SLC25A36: variants seen among roughly 807,000 people sequenced by gnomAD.
SLC25A36 encodes the protein epididymis secretory sperm binding protein.
SLC25A36 carries 24 observed loss-of-function variants against 35.3 expected under a neutral mutation model. The observed-to-expected ratio is 0.68, with a 90% CI of 0.49 to 0.96. The LOEUF (loss-of-function observed/expected upper bound fraction) is 0.96, where lower values mean the gene tolerates loss of function less well. Ranked by LOEUF, SLC25A36 falls within the 40% of genes least tolerant of loss-of-function variation. The pLI is 0.00. For missense variants in SLC25A36, 294 were observed against 381.1 expected (o/e 0.77, Z 1.90); for synonymous variants, 141 against 132.2 (o/e 1.07, Z -0.46).
intron 1 of SLC25A36, among the ~76,000 whole-genome samples, chr3:140,945,113 G>C (rs910522561): frequency 6.6e-6 from 1 of 152,162 alleles, no homozygotes; most frequent in African/African-American, 2.4e-5. Context: ...AATTAAAGCA[G>C]TAACAGGTTT....
chr3:140,967,116 G>A (rs947380248), intron 4 of SLC25A36: 1 of 449,246 alleles, frequency 2.2e-6, no homozygotes, highest in African/African-American at 2.0e-5. Flanking sequence ...TGTGGAATTA[G>A]AAGGCGGGAA....
At position 140,978,488 on chromosome 3, in the gene SLC25A36, A is replaced by G. The variant is rs2107824179; in HGVS notation, c.*2035A>G. 6.6e-6 allele frequency: 1 copy of G among 152,306 alleles called. No individual in the cohort carries two copies. The highest frequency in any genetic ancestry group is 1.9e-4 in the East Asian group (1 of 5,192). 9.4% of individuals were successfully genotyped at this position (152,306 alleles called of 1,614,324 possible). On this transcript the variant is annotated 3_prime_UTR_variant, in exon 7 of 7. Transcript: ENST00000324194. Reference sequence around the variant, plus strand: ...GACTCTCCCTAGTCTTACTGATCTCAGTACCCCACAAATGATTAAGAATGA... The same window carrying G: ...GACTCTCCCTAGTCTTACTGATCTCGGTACCCCACAAATGATTAAGAATGA...
chr3:140,947,726 T>C (rs1934205244), intron 1 of SLC25A36, among the ~76,000 whole-genome samples: 1 of 152,182 alleles, frequency 6.6e-6, no homozygotes, highest in Non-Finnish European at 1.5e-5. Flanking sequence ...TTCCTATACT[T>C]AAAAAAATGC....
chr3:140,976,459 C>T lies in SLC25A36; in HGVS notation c.*6C>T, dbSNP rs752474203. ...TTTACCTACTCAATGGATAGCAGCACGAGGACTGCTGTACTGCAAAAAAAG... is the reference window on the plus strand; with the variant it reads ...TTTACCTACTCAATGGATAGCAGCATGAGGACTGCTGTACTGCAAAAAAAG... On this transcript the variant is annotated 3_prime_UTR_variant, in exon 7 of 7. Coordinates refer to ENST00000324194, the MANE Select transcript of SLC25A36 (RefSeq NM_001104647.3). The T allele has an allele frequency of 2.3e-5, 37 of 1,607,424 alleles. No homozygotes were observed. Among genetic ancestry groups the T allele is most frequent in the South Asian group, 3.3e-5 (3 of 89,782 alleles).
At chr3:140,960,164 A>G (rs907425646) in intron 3 of SLC25A36, among the ~76,000 whole-genome samples, 1 of 152,190 alleles carries the variant, frequency 6.6e-6, no homozygotes, top group Non-Finnish European at 1.5e-5. Flanking sequence ...TTATCCTCTC[A>G]TCTGACCATA....
chr3:140,978,795 G>A lies in SLC25A36; in HGVS notation c.*2342G>A, dbSNP rs938112075. On this transcript the variant is annotated 3_prime_UTR_variant, in exon 7 of 7. Coordinates refer to ENST00000324194, the MANE Select transcript of SLC25A36 (RefSeq NM_001104647.3). ...CTAAGCACAATCTGCAATAGTTTAT[G>A]TATGACAGAGATAATTCAAAAAGGA... 9 of 152,202 alleles carry A rather than the reference G, an allele frequency of 5.9e-5. No homozygotes were observed. The highest frequency in any genetic ancestry group is 1.9e-4 in the African/African-American group (8 of 41,534). The allele number at this position is 152,202 out of a possible 1,614,324, so 9.4% of individuals were successfully genotyped here.
At position 140,977,276 on chromosome 3, in the gene SLC25A36, A is replaced by T. The variant is rs1246534398; in HGVS notation, c.*823A>T. 1 of 152,206 alleles carries T rather than the reference A, an allele frequency of 6.6e-6. No individual in the cohort carries two copies. The highest frequency in any genetic ancestry group is 1.5e-5 in the Non-Finnish European group (1 of 68,044). 9.4% of individuals were successfully genotyped at this position (152,206 alleles called of 1,614,324 possible). A position where few individuals can be genotyped will look rare whatever the true frequency, so the allele number is the denominator to read the frequency against. On this transcript the variant is annotated 3_prime_UTR_variant, in exon 7 of 7. Coordinates refer to ENST00000324194, the MANE Select transcript of SLC25A36 (RefSeq NM_001104647.3). ...TATCACCTCTTTGTCATACTTAAGT[A>T]TCATTTACATAAAGTGTAAAAGATT...
intron 4 of SLC25A36, chr3:140,968,123 G>T (rs1157061993): frequency 1.0e-6 from 1 of 983,650 alleles, no homozygotes; most frequent in Non-Finnish European, 1.2e-6. Context: ...ATAAATTTTT[G>T]TTTTTTTCCA....
chr3:140,948,318 T>C (rs2107781584), intron 1 of SLC25A36, among the ~76,000 whole-genome samples: 1 of 152,034 alleles, frequency 6.6e-6, no homozygotes, highest in African/African-American at 2.4e-5. Flanking sequence ...AGAAACTTCA[T>C]CTTTAGTGAT....
chr3:140,968,217 T>G, intron 4 of SLC25A36: 1 of 953,470 alleles, frequency 1.0e-6, no homozygotes, highest in South Asian at 4.8e-5. Context: ...TAAAGTGTCT[T>G]TGGTTAGGAG....
At chr3:140,958,960 T>TGTG (rs1491268962) in intron 2 of SLC25A36, among the ~76,000 whole-genome samples, 14 of 112,590 alleles carry the variant, frequency 1.2e-4, no homozygotes, top group Non-Finnish European at 1.7e-4. Context: ...AAACAATGTT[T>TGTG]TGTGTGTGTG....
At chr3:140,961,773 G>A (rs555642708) in intron 3 of SLC25A36, among the ~76,000 whole-genome samples, 72 of 147,150 alleles carry the variant, frequency 4.9e-4, no homozygotes, top group African/African-American at 1.7e-3. Context: ...GGAGAATGGC[G>A]TGAACCCGGG....
chr3:140,952,460 T>C (rs1934353756), intron 1 of SLC25A36, among the ~76,000 whole-genome samples: 2 of 152,222 alleles, frequency 1.3e-5, no homozygotes, highest in Non-Finnish European at 2.9e-5. Flanking sequence ...TAGATTCTCA[T>C]GTGTTTTACT....
intron 2 of SLC25A36, among the ~76,000 whole-genome samples, chr3:140,958,989 TG>T: frequency 6.9e-6 from 1 of 145,468 alleles, no homozygotes; most frequent in African/African-American, 2.7e-5. Flanking sequence ...TGTGTGTGTG[TG>T]TGTGTGTGTG....
intron 1 of SLC25A36, among the ~76,000 whole-genome samples, chr3:140,952,238 G>A (rs929233884): frequency 6.6e-6 from 1 of 152,026 alleles, no homozygotes; most frequent in African/African-American, 2.4e-5. Context: ...GGCTGGGCTC[G>A]AATTCCTGAT....
At position 140,980,739 on chromosome 3, in the gene SLC25A36, C is replaced by T. The variant is rs72991064; in HGVS notation, c.*4286C>T. ...TATATACACGGAGCTTCACTCTTGT[C>T]ACCCATGCTGGAGTGCAATGACATG... On this transcript the variant is annotated 3_prime_UTR_variant, in exon 7 of 7. Transcript: ENST00000324194. 0.035 allele frequency among the ~76,000 whole-genome samples: 4,110 copies of T among 115,856 alleles called. 213 individuals carry two copies. Among genetic ancestry groups the T allele is most frequent in the African/African-American group, 0.12 (3,937 of 31,690 alleles). The allele number at this position is 115,856 out of a possible 152,430, so 76.0% of individuals were successfully genotyped here.
At chr3:140,958,768 A>G (rs1229214242) in intron 2 of SLC25A36, among the ~76,000 whole-genome samples, 1 of 152,158 alleles carries the variant, frequency 6.6e-6, no homozygotes, top group Non-Finnish European at 1.5e-5. Flanking sequence ...TAAGCTTTCA[A>G]TTTGCTGGTA....
intron 4 of SLC25A36, chr3:140,968,034 T>G: frequency 1.0e-6 from 1 of 984,762 alleles, no homozygotes; most frequent in Non-Finnish European, 1.2e-6. Context: ...TTGTGTGTGT[T>G]TGTCATATAA....
chr3:140,947,640 T>C (rs1934203102), intron 1 of SLC25A36, among the ~76,000 whole-genome samples: 1 of 152,210 alleles, frequency 6.6e-6, no homozygotes, highest in Non-Finnish European at 1.5e-5. Flanking sequence ...TAAAATTTTC[T>C]GTATTACTAG....
Sources: gnomAD v4.1 joint callset for allele counts (sites outside exome capture counted in the v4.1 genomes callset) on GRCh38, gnomAD v4.1.1 for gene constraint, MANE v1.5 for transcripts, NCBI Gene and HGNC (gene_info 2026-07-23, HGNC 2026-07-21) for gene names.